AXL: variants seen among roughly 807,000 people sequenced by gnomAD.
AXL encodes AXL receptor tyrosine kinase, also known as tyrosine-protein kinase receptor UFO.
A neutral mutation model predicts 104.5 loss-of-function variants in AXL; 52 were observed. The ratio of observed to expected loss-of-function variants is 0.50; its 90% confidence interval spans 0.40 to 0.63. The LOEUF (loss-of-function observed/expected upper bound fraction) is 0.63. Ranked by LOEUF, AXL falls within the 20% of genes least tolerant of loss-of-function variation. The pLI is 0.00. For missense variants in AXL, 1,024 were observed against 1,188.5 expected, an observed-to-expected ratio of 0.86 and a Z score of 2.04; for synonymous variants, 455 against 473.7, an observed-to-expected ratio of 0.96 and a Z score of 0.51.
chr19:41,237,368 G>A (rs1026930271), intron 6 of AXL, among the ~76,000 whole-genome samples: 2 of 152,078 alleles, frequency 1.3e-5, no homozygotes, highest in Non-Finnish European at 2.9e-5. Context: ...GCAGCCTCCC[G>A]AGTAGCTGGG....
chr19:41,221,920 G>T lies in AXL; in HGVS notation c.450G>T (p.Val150=). ...YFLEEPEDRT[V]AANTPFNLSC... ...TGGAGGAGCCCGAAGACAGGACTGTGGCCGCCAACACCCCCTTCAACCTGA... is the reference window on the plus strand; with the variant it reads ...TGGAGGAGCCCGAAGACAGGACTGTTGCCGCCAACACCCCCTTCAACCTGA... Residue 150 remains valine (V), a synonymous_variant, in exon 4 of 20, where the codon GTG becomes GTT. Coordinates refer to ENST00000301178, the MANE Select transcript of AXL (RefSeq NM_021913.5). 1 of 1,613,728 alleles carries T rather than the reference G, an allele frequency of 6.2e-7. No homozygotes were observed. Among genetic ancestry groups the T allele is most frequent in the Non-Finnish European group, 8.5e-7 (1 of 1,179,916 alleles).
chr19:41,224,231 G>A (rs2033841015), intron 4 of AXL, among the ~76,000 whole-genome samples: 5 of 151,968 alleles, frequency 3.3e-5, no homozygotes, highest in Admixed American at 3.3e-4. Flanking sequence ...TGGGGCTATG[G>A]TGCACACCTC....
In AXL at chr19:41,239,707, A is replaced by G. The variant is rs1446782831; in HGVS notation, c.1299A>G (p.Pro433=). The change falls in exon 10 of 20, where the codon CCA becomes CCG. Residue 433 remains proline, a synonymous_variant. Coordinates refer to ENST00000301178, the MANE Select transcript of AXL (RefSeq NM_021913.5). The part of the protein sequence containing the change: ...LEAWRPGQAQ[P]VHQLVKEPST... ...TTCTTCTCACAGGGCAAGCACAGCC[A>G]GTCCACCAGCTGGGTAAGGGCTTCC... 1 of 1,614,046 alleles carries G rather than the reference A, an allele frequency of 6.2e-7. No homozygotes were observed. Among genetic ancestry groups the G allele is most frequent in the Non-Finnish European group, 8.5e-7 (1 of 1,180,040 alleles).
At chr19:41,237,068 A>G (rs1433645135) in intron 6 of AXL, among the ~76,000 whole-genome samples, 1 of 152,132 alleles carries the variant, frequency 6.6e-6, no homozygotes. Context: ...GAGATTGTTT[A>G]ACACACATAT....
intron 1 of AXL, 95 bp from the exon 2 acceptor site, chr19:41,220,541 T>C: frequency 9.1e-7 from 1 of 1,102,340 alleles, no homozygotes; most frequent in Non-Finnish European, 1.3e-6. Context: ...CCTGGCGGGG[T>C]CCTGGCCGCC....
At chr19:41,255,076 C>A (rs911324120) in intron 17 of AXL, among the ~76,000 whole-genome samples, 5 of 152,192 alleles carry the variant, frequency 3.3e-5, no homozygotes, top group Admixed American at 6.5e-5. Flanking sequence ...CAATCACTAC[C>A]GCCAAGTGGT....
chr19:41,258,411 A>G (rs2034486600), intron 19 of AXL, among the ~76,000 whole-genome samples: 1 of 152,158 alleles, frequency 6.6e-6, no homozygotes, highest in Non-Finnish European at 1.5e-5. Context: ...ACCCAGTCCT[A>G]CAGGGAGGGT....
rs2034106509 is a variant in AXL at position 41,237,824 on chromosome 19, C to T, written c.784-120C>T. 1.9e-5 allele frequency: 17 copies of T among 901,500 alleles called. No homozygotes were observed. The South Asian group carries it at 2.0e-4, about 11-fold the overall frequency. The allele number at this position is 901,500 out of a possible 1,614,324, so 55.8% of individuals were successfully genotyped here. On this transcript the variant is annotated intron_variant, in intron 6 of 19. Coordinates refer to ENST00000301178, the MANE Select transcript of AXL (RefSeq NM_021913.5). Reference sequence around the variant, plus strand: ...CCCGTGTTATCCTAGCATGGCACTGCAACACACACGCACCCTTGAAAAGTT... The same window carrying T: ...CCCGTGTTATCCTAGCATGGCACTGTAACACACACGCACCCTTGAAAAGTT...
intron 4 of AXL, among the ~76,000 whole-genome samples, chr19:41,223,898 T>C (rs1037269467): frequency 4.6e-5 from 7 of 152,078 alleles, no homozygotes; most frequent in African/African-American, 1.7e-4. Context: ...AGTGTTAGTG[T>C]ATCCGTCAGC....
intron 6 of AXL, among the ~76,000 whole-genome samples, chr19:41,232,636 AAAAGAAAG>A (rs760903870): frequency 6.6e-6 from 1 of 152,018 alleles, no homozygotes; most frequent in Non-Finnish European, 1.5e-5. Flanking sequence ...GAAAAAAAAA[AAAAGAAAG>A]AAAGAAAGAA....
At chr19:41,228,109 C>A (rs915448242) in intron 4 of AXL, among the ~76,000 whole-genome samples, 12 of 152,226 alleles carry the variant, frequency 7.9e-5, no homozygotes, top group South Asian at 2.1e-4. Flanking sequence ...CGTTGTATAG[C>A]GGTTTGTGTT....
chr19:41,236,718 A>G (rs552191432), intron 6 of AXL, among the ~76,000 whole-genome samples: 110 of 151,848 alleles, frequency 7.2e-4, no homozygotes, highest in Middle Eastern at 6.8e-3. Context: ...CGGAGGTTGC[A>G]GTGAGCCAAG....
Position 41,259,784 on chromosome 19 carries a change from C to T in AXL, c.2565C>T (p.Leu855=). Residue 855 remains leucine, a synonymous_variant, in exon 20 of 20, where the codon CTC becomes CTT. Coordinates refer to ENST00000301178, the MANE Select transcript of AXL (RefSeq NM_021913.5). The stretch of plus-strand genomic sequence containing the variant: ...ACCCTAAGGATTCCTGTAGCTGCCT[C>T]ACTGCGGCTGAGGTCCATCCTGCTG... ...QPDPKDSCSC[L]TAAEVHPAGR... 1 of 1,614,118 alleles carries T rather than the reference C, an allele frequency of 6.2e-7. No homozygotes were observed. The highest frequency in any genetic ancestry group is 1.1e-5 in the South Asian group (1 of 91,076).
intron 10 of AXL, among the ~76,000 whole-genome samples, chr19:41,241,408 G>A (rs1220268493): frequency 6.6e-6 from 1 of 151,966 alleles, no homozygotes; most frequent in East Asian, 1.9e-4. Flanking sequence ...GCTGGGCCTG[G>A]TGGTGCGAGC....
In AXL at chr19:41,259,964, A is replaced by G; in HGVS notation, c.*60A>G. On this transcript the variant is annotated 3_prime_UTR_variant, in exon 20 of 20. Coordinates refer to ENST00000301178, the MANE Select transcript of AXL (RefSeq NM_021913.5). The stretch of plus-strand genomic sequence containing the variant: ...CAAGCTAAGCACTGCCACTGGGGAA[A>G]ACTCCACCTTCCCACTTTCCCACCC... 1 of 1,432,292 alleles carries G rather than the reference A, an allele frequency of 7.0e-7. No individual in the cohort carries two copies. Among genetic ancestry groups the G allele is most frequent in the Non-Finnish European group, 9.4e-7 (1 of 1,068,044 alleles). 88.7% of individuals were successfully genotyped at this position (1,432,292 alleles called of 1,614,324 possible).
rs1256818203 is a variant in AXL, at chr19:41,219,417, G to A, written c.25G>A (p.Gly9Ser). The change falls in exon 1 of 20, where the codon GGC becomes AGC. Residue 9 changes from glycine (G) to serine (S), a missense_variant. By Grantham distance (56) the Gly-to-Ser change is moderately conservative (BLOSUM62 0). This residue lies in a region of AXL where 124 missense variants were observed against 115.5 expected (regional missense o/e 1.07). Transcript: ENST00000301178. ...CATGGCGTGGCGGTGCCCCAGGATGGGCAGGGTCCCGCTGGCCTGGTGCTT... is the reference window on the plus strand; with the variant it reads ...CATGGCGTGGCGGTGCCCCAGGATGAGCAGGGTCCCGCTGGCCTGGTGCTT... MAWRCPRM[G>S]RVPLAWCLAL... The A allele has an allele frequency of 3.7e-6, 6 of 1,605,014 alleles. No homozygotes were observed. The highest frequency in any genetic ancestry group is 5.1e-6 in the Non-Finnish European group (6 of 1,176,196).
At chr19:41,233,417 G>A (rs2122224488) in intron 6 of AXL, among the ~76,000 whole-genome samples, 1 of 145,794 alleles carries the variant, frequency 6.9e-6, no homozygotes, top group East Asian at 2.4e-4. Flanking sequence ...GGGCATGATA[G>A]CTCACGCCTG....
chr19:41,246,019 A>C (rs1248340548), intron 12 of AXL, among the ~76,000 whole-genome samples: 1 of 152,222 alleles, frequency 6.6e-6, no homozygotes, highest in Non-Finnish European at 1.5e-5. Flanking sequence ...ACTATTACCA[A>C]GACATTATTT....
chr19:41,248,001 C>T (rs2034299189), intron 12 of AXL, among the ~76,000 whole-genome samples: 1 of 152,100 alleles, frequency 6.6e-6, no homozygotes, highest in African/African-American at 2.4e-5. Flanking sequence ...CAGCTCATTG[C>T]AACCTCTGTC....
Sources: gnomAD v4.1 joint callset for allele counts (sites outside exome capture counted in the v4.1 genomes callset) on GRCh38, gnomAD v4.1.1 for gene constraint, gnomAD v4.1.1 regional missense constraint, MANE v1.5 for transcripts, NCBI Gene and HGNC (gene_info 2026-07-23, HGNC 2026-07-21) for gene names.